NWD2: variants seen among roughly 807,000 people sequenced by gnomAD.
NWD2 encodes the protein NACHT and WD repeat domain containing 2.
A neutral mutation model predicts 132.7 loss-of-function variants in NWD2; 37 were observed. That is an observed-to-expected ratio of 0.28 (90% CI 0.21 to 0.37). The LOEUF is 0.37. Among genes scored for constraint, NWD2 ranks in the 10% least tolerant of loss-of-function variants. NWD2 has a pLI of 1.00. For missense variants in NWD2, 1,592 were observed against 2,122.4 expected (o/e 0.75, Z 4.91); for synonymous variants, 705 against 803.0 (o/e 0.88, Z 2.06).
chr4:37,410,337 A>G (rs1721130757), intron 3 of NWD2, among the ~76,000 whole-genome samples: 1 of 152,194 alleles, frequency 6.6e-6, no homozygotes, highest in Non-Finnish European at 1.5e-5. Flanking sequence ...AAGCAAAAAA[A>G]AGGCAGGAGT....
chr4:37,352,653 T>G (rs1046444706), intron 2 of NWD2, among the ~76,000 whole-genome samples: 3 of 152,352 alleles, frequency 2.0e-5, no homozygotes, highest in Admixed American at 6.5e-5. Context: ...TGGTTTAAAG[T>G]CTGTTTTATC....
At chr4:37,409,978 G>A (rs1721121237) in intron 3 of NWD2, among the ~76,000 whole-genome samples, 2 of 152,140 alleles carry the variant, frequency 1.3e-5, no homozygotes, top group South Asian at 4.1e-4. Flanking sequence ...TCACCACCAG[G>A]CCTGCCTTAC....
chr4:37,370,044 A>G (rs2109305130), intron 3 of NWD2, among the ~76,000 whole-genome samples: 1 of 152,306 alleles, frequency 6.6e-6, no homozygotes, highest in South Asian at 2.1e-4. Context: ...TTGTAGGATT[A>G]TTACTGCTCC....
intron 3 of NWD2, among the ~76,000 whole-genome samples, chr4:37,385,457 C>T (rs1429074753): frequency 1.3e-5 from 2 of 152,198 alleles, no homozygotes; most frequent in Non-Finnish European, 2.9e-5. Context: ...TCCTGTGAAA[C>T]TTGCTGCTCA....
intron 1 of NWD2, among the ~76,000 whole-genome samples, chr4:37,275,542 C>T (rs979793555): frequency 1.3e-5 from 2 of 152,132 alleles, no homozygotes; most frequent in Non-Finnish European, 2.9e-5. Flanking sequence ...CATCAATCTA[C>T]CAATGACTTT....
At chr4:37,433,090 G>C (rs1382267912) in intron 4 of NWD2, among the ~76,000 whole-genome samples, 1 of 152,148 alleles carries the variant, frequency 6.6e-6, no homozygotes, top group Admixed American at 6.5e-5. Context: ...CAGAATCCTT[G>C]ATTTTTCTTC....
At chr4:37,440,463 G>T (rs1560256422) in intron 6 of NWD2, among the ~76,000 whole-genome samples, 1 of 152,122 alleles carries the variant, frequency 6.6e-6, no homozygotes, top group African/African-American at 2.4e-5. Context: ...AGCCTTCATG[G>T]TTTCCAGATG....
intron 1 of NWD2, among the ~76,000 whole-genome samples, chr4:37,261,574 C>T (rs16993386): frequency 0.023 from 3,499 of 152,274 alleles, 145 homozygotes; most frequent in African/African-American, 0.08. Context: ...ATGCAAGACA[C>T]TCTTCTAAGC....
intron 6 of NWD2, among the ~76,000 whole-genome samples, chr4:37,441,419 T>C (rs755409809): frequency 1.3e-5 from 2 of 152,208 alleles, no homozygotes; most frequent in African/African-American, 2.4e-5. Flanking sequence ...GCCCTTTTCC[T>C]TGTGGAGGAA....
intron 3 of NWD2, among the ~76,000 whole-genome samples, chr4:37,366,655 G>A (rs1720104083): frequency 6.6e-6 from 1 of 152,034 alleles, no homozygotes; most frequent in Non-Finnish European, 1.5e-5. Flanking sequence ...ATAAAAGTAT[G>A]TATATCTAGA....
rs948304573 is a variant in NWD2, at chr4:37,340,551, G to A, written c.240+14527G>A. ...AACAGTGACCAGGGTGGTGCTTGCA[G>A]CCCAGGAAATACAGGGTGCACTGGG... On this transcript the variant is annotated intron_variant, in intron 2 of 6. Transcript: ENST00000309447. Among the ~76,000 whole-genome samples, 11 of 152,194 alleles carry A rather than the reference G, an allele frequency of 7.2e-5. No homozygotes were observed. The East Asian group carries it at 2.1e-3, about 29-fold the overall frequency.
chr4:37,387,693 G>C (rs79951193), intron 3 of NWD2, among the ~76,000 whole-genome samples: 1 of 46,246 alleles, frequency 2.2e-5, no homozygotes, highest in Non-Finnish European at 4.3e-5. Context: ...TTTTTTTTTT[G>C]AGACAGAGTC....
At chr4:37,369,613 C>A (rs1195294021) in intron 3 of NWD2, among the ~76,000 whole-genome samples, 2 of 152,052 alleles carry the variant, frequency 1.3e-5, no homozygotes, top group Non-Finnish European at 2.9e-5. Context: ...CATCAAAATT[C>A]GATGAACATT....
At chr4:37,436,281 TA>T (rs1369565568) in intron 5 of NWD2, among the ~76,000 whole-genome samples, 1 of 152,182 alleles carries the variant, frequency 6.6e-6, no homozygotes, top group African/African-American at 2.4e-5. Context: ...CCTAAAATTC[TA>T]AAATTTATAA....
At chr4:37,415,616 A>G (rs887050986) in intron 3 of NWD2, among the ~76,000 whole-genome samples, 1 of 151,222 alleles carries the variant, frequency 6.6e-6, no homozygotes, top group African/African-American at 2.4e-5. Context: ...AGGCAGGAAA[A>G]TGGCGTGAAC....
chr4:37,260,732 C>G (rs1178602043), intron 1 of NWD2, among the ~76,000 whole-genome samples: 1 of 152,188 alleles, frequency 6.6e-6, no homozygotes, highest in Non-Finnish European at 1.5e-5. Context: ...TAAAAGACAT[C>G]TTCCTTAGGC....
At chr4:37,442,453 C>T (rs1438793429) in intron 6 of NWD2, among the ~76,000 whole-genome samples, 1 of 152,124 alleles carries the variant, frequency 6.6e-6, no homozygotes. Context: ...GACTTCTACT[C>T]CAGCTTTGTC....
In NWD2 at chr4:37,346,117, T is replaced by A. The variant is rs368100050; in HGVS notation, c.241-10249T>A. 3.7e-4 allele frequency among the ~76,000 whole-genome samples: 56 copies of A among 152,166 alleles called. 2 individuals are homozygous for A. In the South Asian group the frequency reaches 0.011, roughly 31 times the overall value. Reference sequence around the variant, plus strand: ...AAAAAAAACCTACTACTCCTATGTTTTTCCCTTAGGAGTTTAATAGTTTTG... The same window carrying A: ...AAAAAAAACCTACTACTCCTATGTTATTCCCTTAGGAGTTTAATAGTTTTG... On this transcript the variant is annotated intron_variant, in intron 2 of 6. Coordinates refer to ENST00000309447, the MANE Select transcript of NWD2 (RefSeq NM_001144990.2).
intron 3 of NWD2, among the ~76,000 whole-genome samples, chr4:37,360,824 G>A (rs184533059): frequency 1.1e-4 from 17 of 152,250 alleles, no homozygotes; most frequent in African/African-American, 4.1e-4. Context: ...ATAGGGAAGA[G>A]GGGGTTTTCT....
Sources: allele counts gnomAD v4.1 joint callset (sites outside exome capture counted in the v4.1 genomes callset), GRCh38; gene constraint gnomAD v4.1.1; transcripts MANE v1.5; gene names NCBI Gene and HGNC (gene_info 2026-07-23, HGNC 2026-07-21).